COMT: variants seen among roughly 807,000 people sequenced by gnomAD.
COMT encodes catechol-O-methyltransferase.
A neutral mutation model predicts 18.9 loss-of-function variants in COMT; 13 were observed. That is an observed-to-expected ratio of 0.69 (90% confidence interval 0.45 to 1.09). The LOEUF is 1.09. Ranked by LOEUF, COMT falls within the 50% of genes least tolerant of loss-of-function variation. The probability of loss-of-function intolerance (pLI) is 0.00; values close to 1 mark genes in which losing one functional copy is unlikely to be tolerated. For synonymous variants in COMT, 150 were observed against 160.9 expected (o/e 0.93, Z 0.51); for missense variants, 329 against 361.8 (o/e 0.91, Z 0.73).
intron 5 of COMT, among the ~76,000 whole-genome samples, chr22:19,966,649 C>T (rs1203133637): frequency 6.6e-6 from 1 of 152,118 alleles, no homozygotes; most frequent in East Asian, 1.9e-4. Context: ...CTATGTTGCC[C>T]AGACTGGTCT....
Position 19,962,521 on chromosome 22 carries a change from CTG to C in COMT, c.1-5_1-4del. ...GCACTGGCGCCCCTCCCCTCCCGCC[CTG>C]CAGATGCCGGAGGCCCCGCCTCTGC... On this transcript the variant is annotated splice_polypyrimidine_tract_variant and splice_region_variant and intron_variant, in intron 2 of 5. Transcript: ENST00000361682. The C allele has an allele frequency of 6.5e-7, 1 of 1,543,820 alleles. No individual in the cohort carries two copies.
At chr22:19,942,283 G>GGTCC (rs1304773223) in intron 1 of COMT, among the ~76,000 whole-genome samples, 2 of 152,170 alleles carry the variant, frequency 1.3e-5, no homozygotes, top group East Asian at 3.8e-4. Context: ...CACAGGGGAG[G>GGTCC]GTCCCACTTG....
intron 3 of COMT, 96 bp downstream of exon 3, chr22:19,962,911 A>G (rs1486894404): frequency 2.8e-6 from 4 of 1,453,164 alleles, no homozygotes; most frequent in Non-Finnish European, 3.7e-6. Context: ...CCCCATTTCC[A>G]GGGGGCTGGG....
At chr22:19,951,226 G>A (rs1448582354) in intron 1 of COMT, among the ~76,000 whole-genome samples, 1 of 152,058 alleles carries the variant, frequency 6.6e-6, no homozygotes, top group Admixed American at 6.6e-5. Context: ...GGGCGTTGTG[G>A]TGGGCACCTA....
At chr22:19,955,157 C>G (rs7290221) in intron 1 of COMT, among the ~76,000 whole-genome samples, 75,688 of 152,046 alleles carry the variant, frequency 0.5, 19,161 homozygotes, top group Middle Eastern at 0.59. Context: ...GGCACACCAC[C>G]ATGCCTGGCT....
intron 1 of COMT, among the ~76,000 whole-genome samples, chr22:19,948,660 T>TA (rs971125562): frequency 6.6e-6 from 1 of 151,028 alleles, no homozygotes; most frequent in Non-Finnish European, 1.5e-5. Context: ...ACTCTGTCAC[T>TA]AAAAAAAATT....
intron 1 of COMT, among the ~76,000 whole-genome samples, chr22:19,959,059 C>T (rs1181665461): frequency 6.6e-6 from 1 of 152,170 alleles, no homozygotes; most frequent in Admixed American, 6.5e-5. Context: ...GACCACACAG[C>T]CAAAGTAGGG....
At chr22:19,944,563 G>A (rs565400969) in intron 1 of COMT, among the ~76,000 whole-genome samples, 5 of 149,862 alleles carry the variant, frequency 3.3e-5, no homozygotes, top group East Asian at 2.0e-4. Context: ...GGTGGCTCAC[G>A]CCTGTAATCC....
In COMT at chr22:19,962,598, G is replaced by C. The variant is rs1241505943; in HGVS notation, c.72G>C (p.Leu24=). The C allele has an allele frequency of 6.3e-7, 1 of 1,589,052 alleles. No individual in the cohort carries two copies. The highest frequency in any genetic ancestry group is 8.6e-7 in the Non-Finnish European group (1 of 1,168,158). Reference sequence around the variant, plus strand: ...TGGTGCTGCTGGTGGTGCTGCTGCTGCTTCTGAGGCACTGGGGCTGGGGCC... The same window carrying C: ...TGGTGCTGCTGGTGGTGCTGCTGCTCCTTCTGAGGCACTGGGGCTGGGGCC... ...LGLVLLVVLL[L]LLRHWGWGLC... is the part of the protein sequence containing the mutation. Residue 24 remains leucine, a synonymous_variant, in exon 3 of 6, where the codon CTG becomes CTC. Coordinates refer to ENST00000361682, the MANE Select transcript of COMT (RefSeq NM_000754.4).
intron 1 of COMT, among the ~76,000 whole-genome samples, chr22:19,959,886 T>C (rs1417002717): frequency 6.6e-6 from 1 of 151,374 alleles, no homozygotes; most frequent in Non-Finnish European, 1.5e-5. Context: ...CTCTTGGCCA[T>C]TGGACCCCAG....
In COMT at chr22:19,969,185, C is replaced by T; in HGVS notation, c.*449C>T. Reference sequence around the variant, plus strand: ...CACGCCTGGCCCACTGGCCTCCCAGCCACAGTGGTGCAGAGGTCAGCCCTC... The same window carrying T: ...CACGCCTGGCCCACTGGCCTCCCAGTCACAGTGGTGCAGAGGTCAGCCCTC... On this transcript the variant is annotated 3_prime_UTR_variant, in exon 6 of 6. Coordinates refer to ENST00000361682, the MANE Select transcript of COMT (RefSeq NM_000754.4). 1 of 182,874 alleles carries T rather than the reference C, an allele frequency of 5.5e-6. No individual in the cohort carries two copies. Among genetic ancestry groups the T allele is most frequent in the Non-Finnish European group, 1.2e-5 (1 of 85,980 alleles). 11.3% of individuals were successfully genotyped at this position (182,874 alleles called of 1,614,324 possible).
At chr22:19,968,480 C>T (rs1248882654) in intron 5 of COMT, 56 bp from the exon 6 acceptor site, 1 of 1,549,302 alleles carries the variant, frequency 6.5e-7, no homozygotes, top group Non-Finnish European at 8.8e-7. Context: ...TGGTTTGGGG[C>T]AGGTTCTCTG....
chr22:19,950,353 G>A (rs1239855737), intron 1 of COMT, among the ~76,000 whole-genome samples: 2 of 149,078 alleles, frequency 1.3e-5, no homozygotes, highest in African/African-American at 4.9e-5. Flanking sequence ...CCAAAGTGCT[G>A]GGATTACAGG....
Position 19,941,894 on chromosome 22 carries a change from A to G in COMT, c.-95A>G. The G allele has an allele frequency of 7.6e-7, 1 of 1,319,240 alleles. No homozygotes were observed. Among genetic ancestry groups the G allele is most frequent in the Non-Finnish European group, 9.8e-7 (1 of 1,023,444 alleles). 81.7% of individuals were successfully genotyped at this position (1,319,240 alleles called of 1,614,324 possible). On this transcript the variant is annotated 5_prime_UTR_variant, in exon 1 of 6. Coordinates refer to ENST00000361682, the MANE Select transcript of COMT (RefSeq NM_000754.4). ...CCAGTCCCGGGCGGGCCGTCGCGGG[A>G]GAGGTGAGAGCGCTGGCTAGACCGG...
intron 1 of COMT, among the ~76,000 whole-genome samples, chr22:19,942,356 G>A (rs1195448244): frequency 6.6e-6 from 1 of 152,148 alleles, no homozygotes; most frequent in Non-Finnish European, 1.5e-5. Flanking sequence ...GGGAGGGTCT[G>A]TGGAGCCCCA....
intron 4 of COMT, 133 bp downstream of exon 4, chr22:19,963,892 G>C: frequency 1.6e-6 from 2 of 1,269,398 alleles, no homozygotes; most frequent in East Asian, 5.0e-5. Context: ...AGGCCCCTCA[G>C]TGCTTCCCAG....
chr22:19,955,324 C>G (rs1942034531), intron 1 of COMT, among the ~76,000 whole-genome samples: 1 of 152,240 alleles, frequency 6.6e-6, no homozygotes, highest in South Asian at 2.1e-4. Context: ...GTCCTCTCAG[C>G]CTGTCCACAG....
At chr22:19,952,246 G>A (rs765991200) in intron 1 of COMT, among the ~76,000 whole-genome samples, 2 of 152,240 alleles carry the variant, frequency 1.3e-5, no homozygotes, top group Non-Finnish European at 2.9e-5. Context: ...GTTCAAGGTT[G>A]CAGCAAGCTG....
intron 1 of COMT, chr22:19,951,561 G>A (rs1237260918): frequency 2.0e-5 from 3 of 152,218 alleles, no homozygotes; most frequent in African/African-American, 2.4e-5. Context: ...GTGTGCTCCG[G>A]TTGTTGCATC....
Sources: gnomAD v4.1 joint callset for allele counts (sites outside exome capture counted in the v4.1 genomes callset) on GRCh38, gnomAD v4.1.1 for gene constraint, MANE v1.5 for transcripts, NCBI Gene and HGNC (gene_info 2026-07-23, HGNC 2026-07-21) for gene names.